The following GPR179 variants were observed in gnomAD, a reference collection of about 807,000 sequenced individuals.
GPR179 encodes the protein probable G protein-coupled receptor 179.
A neutral mutation model predicts 70.8 loss-of-function variants in GPR179; 52 were observed. The observed-to-expected ratio is 0.73, with a 90% CI of 0.59 to 0.93. GPR179 has a LOEUF of 0.93. GPR179 is among the 40% of genes least tolerant of loss of function. The pLI is 0.00. For missense variants in GPR179, 2,734 were observed against 2,966.8 expected (o/e 0.92, Z 1.82); for synonymous variants, 1,123 against 1,169.0 (o/e 0.96, Z 0.80).
chr17:38,330,004 C>A lies in GPR179; in HGVS notation c.3565G>T (p.Glu1189Ter), dbSNP rs531771174. The A allele has an allele frequency of 9.9e-6, 16 of 1,614,230 alleles. No homozygotes were observed. The highest frequency in any genetic ancestry group is 1.3e-5 in the Non-Finnish European group (15 of 1,180,046). ...TTACCTGCTCTCTCAGCTTTCCGTT[C>A]CCCTAGACCCTGGGTCATCCTCCTG... is the stretch of plus-strand genomic sequence containing the variant. ...RGRRMTQGLG[E>*]RKAERAGKTG... The change falls in exon 11 of 11, where the codon GAA (glutamate) becomes TAA (stop). Residue 1189 changes from glutamate (E) to a stop codon, truncating the protein, a stop_gained. Coordinates refer to ENST00000616987, the MANE Select transcript of GPR179 (RefSeq NM_001004334.4). LOFTEE classifies it low-confidence loss of function (END_TRUNC).
chr17:38,334,119 T>A lies in GPR179; in HGVS notation c.1785-81A>T. 1 of 994,148 alleles carries A rather than the reference T, an allele frequency of 1.0e-6. No individual in the cohort carries two copies. Among genetic ancestry groups the A allele is most frequent in the Non-Finnish European group, 1.6e-6 (1 of 619,714 alleles). The allele number at this position is 994,148 out of a possible 1,614,324, so 61.6% of individuals were successfully genotyped here. ...TTTGCCTTCTCACTGGCGTTTCACC[T>A]CAGCCCCAACCCTGATACGCTTAGG... On this transcript the variant is annotated intron_variant, in intron 8 of 10. Coordinates refer to ENST00000616987, the MANE Select transcript of GPR179 (RefSeq NM_001004334.4). This position sits in a 1 kb window ranked among gnomAD's most constrained non-coding sequence, Gnocchi z 4.7.
rs747025957 is a variant in GPR179, at chr17:38,328,999, C to T, written c.4570G>A (p.Ala1524Thr). 2 of 1,614,116 alleles carry T rather than the reference C, an allele frequency of 1.2e-6. No individual in the cohort carries two copies. Among genetic ancestry groups the T allele is most frequent in the Non-Finnish European group, 1.7e-6 (2 of 1,180,044 alleles). The stretch of plus-strand genomic sequence containing the variant: ...TGCTGTTGACTTAATTTCTGCACTG[C>T]TTTCACAGTTTGTTCCCCCATCTCT... ...FGEMGEQTVKAVQKLSQQQES... is the reference protein window; with the variant it reads ...FGEMGEQTVKTVQKLSQQQES... Residue 1524 changes from alanine (A) to threonine (T), a missense_variant, in exon 11 of 11, where the codon GCA (alanine) becomes ACA (threonine). Transcript: ENST00000616987.
In GPR179 at chr17:38,339,368, G is replaced by A. The variant is rs1209741686; in HGVS notation, c.903+49C>T. ...TGCATGGTGGCGGTGATGGGAAAAG[G>A]GGAGGGAGGCAGGACTCTAGTAGCG... On this transcript the variant is annotated intron_variant, in intron 2 of 10. Coordinates refer to ENST00000616987, the MANE Select transcript of GPR179 (RefSeq NM_001004334.4). 4 of 1,197,268 alleles carry A rather than the reference G, an allele frequency of 3.3e-6. No individual in the cohort carries two copies. In the South Asian group the frequency reaches 3.8e-5, roughly 11 times the overall value. 74.2% of individuals were successfully genotyped at this position (1,197,268 alleles called of 1,614,324 possible).
chr17:38,328,026 T>G lies in GPR179; in HGVS notation c.5543A>C (p.Glu1848Ala). The G allele has an allele frequency of 6.2e-7, 1 of 1,614,180 alleles. No homozygotes were observed. The highest frequency in any genetic ancestry group is 1.1e-5 in the South Asian group (1 of 91,088). ...TCCCAGGGAAGTGAGTCTCCCCTTT[T>G]CTAGAGCTTTCTCCCTCTGCTCTGC... ...ESAEQREKAL[E>A]KGRLTSLGED... The change falls in exon 11 of 11, where the codon GAA (glutamate) becomes GCA (alanine). Residue 1848 changes from glutamate to alanine, a missense_variant. By Grantham distance (107) the Glu-to-Ala change is moderately radical (BLOSUM62 -1). Coordinates refer to ENST00000616987, the MANE Select transcript of GPR179 (RefSeq NM_001004334.4).
Position 38,330,017 on chromosome 17 carries a change from G to T in GPR179, c.3552C>A (p.Thr1184=). 1 of 1,614,190 alleles carries T rather than the reference G, an allele frequency of 6.2e-7. No individual in the cohort carries two copies. The highest frequency in any genetic ancestry group is 8.5e-7 in the Non-Finnish European group (1 of 1,180,032). ...CAGCTTTCCGTTCCCCTAGACCCTGGGTCATCCTCCTGCCTCTGTCTTCTT... is the reference window on the plus strand; with the variant it reads ...CAGCTTTCCGTTCCCCTAGACCCTGTGTCATCCTCCTGCCTCTGTCTTCTT... ...REQEDRGRRM[T]QGLGERKAER... Residue 1184 remains threonine, a synonymous_variant, in exon 11 of 11, where the codon ACC becomes ACA. Transcript: ENST00000616987.
rs1597671078 is a variant in GPR179 at position 38,342,850 on chromosome 17, A to C, written c.794+146T>G. On this transcript the variant is annotated intron_variant, in intron 1 of 10. Coordinates refer to ENST00000616987, the MANE Select transcript of GPR179 (RefSeq NM_001004334.4). ...GATTCCCAGAGCCGACTGTAAGTAC[A>C]CACAGCTGAGTACAAATACCCACAT... 3 of 756,416 alleles carry C rather than the reference A, an allele frequency of 4.0e-6. No homozygotes were observed. The East Asian group carries it at 7.4e-5, about 19-fold the overall frequency. 46.9% of individuals were successfully genotyped at this position (756,416 alleles called of 1,614,324 possible). A position where few individuals can be genotyped will look rare whatever the true frequency, so the allele number is the denominator to read the frequency against.
rs1365047118 is a variant in GPR179 at position 38,325,551 on chromosome 17, A to C, written c.*914T>G. 1 of 152,264 alleles carries C rather than the reference A, an allele frequency of 6.6e-6. No homozygotes were observed. Among genetic ancestry groups the C allele is most frequent in the Non-Finnish European group, 1.5e-5 (1 of 68,094 alleles). The allele number at this position is 152,264 out of a possible 1,614,324, so 9.4% of individuals were successfully genotyped here. A position where few individuals can be genotyped will look rare whatever the true frequency, so the allele number is the denominator to read the frequency against. On this transcript the variant is annotated 3_prime_UTR_variant, in exon 11 of 11. Coordinates refer to ENST00000616987, the MANE Select transcript of GPR179 (RefSeq NM_001004334.4). The stretch of plus-strand genomic sequence containing the variant: ...TTGACAAAAGAGAGAGGTCCTGTTG[A>C]TGGCAGCGCTGAAAAGCTAGGGGGA...
Position 38,331,399 on chromosome 17 carries a change from C to T in GPR179, c.2170G>A (p.Ala724Thr). 6.2e-7 allele frequency: 1 copy of T among 1,614,120 alleles called. No homozygotes were observed. The highest frequency in any genetic ancestry group is 8.5e-7 in the Non-Finnish European group (1 of 1,179,992). Residue 724 changes from alanine (A) to threonine (T), a missense_variant, in exon 11 of 11, where the codon GCG (alanine) becomes ACG (threonine). Transcript: ENST00000616987. The part of the protein sequence containing the change: ...GLGRSFMRYL[A>T]EFPEALARQH... ...CTGGCCAGGGCCTCGGGGAATTCCG[C>T]CAGGTACCTCATGAAGGAGCGGCCC...
chr17:38,331,132 G>A lies in GPR179; in HGVS notation c.2437C>T (p.Leu813=), dbSNP rs1158425856. ...TGGGCGCTGGCTGACCTGAAGCCCAGGGCAGGGGGCCCCTCCACCGACTCC... is the reference window on the plus strand; with the variant it reads ...TGGGCGCTGGCTGACCTGAAGCCCAAGGCAGGGGGCCCCTCCACCGACTCC... The part of the protein sequence containing the change: ...SRESVEGPPA[L]GFRSASAHNL... The change falls in exon 11 of 11, where the codon CTG becomes TTG. Residue 813 remains leucine, a synonymous_variant. Coordinates refer to ENST00000616987, the MANE Select transcript of GPR179 (RefSeq NM_001004334.4). 6.2e-7 allele frequency: 1 copy of A among 1,604,722 alleles called. No individual in the cohort carries two copies. The highest frequency in any genetic ancestry group is 1.1e-5 in the South Asian group (1 of 90,856).
Position 38,329,873 on chromosome 17 carries a change from G to A in GPR179, c.3696C>T (p.Ser1232=), listed in dbSNP as rs367783443. ...WQELPKAGLQ[S]LGSADHRVAE... ...CCACCCTGTGGTCAGCGCTGCCCAGGGACTGGAGGCCAGCTTTGGGCAGTT... is the reference window on the plus strand; with the variant it reads ...CCACCCTGTGGTCAGCGCTGCCCAGAGACTGGAGGCCAGCTTTGGGCAGTT... The change falls in exon 11 of 11, where the codon TCC becomes TCT. Residue 1232 remains serine (S), a synonymous_variant. Transcript: ENST00000616987. 6.8e-6 allele frequency: 11 copies of A among 1,614,000 alleles called. No individual in the cohort carries two copies. The highest frequency in any genetic ancestry group is 1.3e-5 in the African/African-American group (1 of 74,926).
At position 38,330,051 on chromosome 17, in the gene GPR179, C is replaced by G. The variant is rs565610587; in HGVS notation, c.3518G>C (p.Ser1173Thr). The G allele has an allele frequency of 1.3e-4, 217 of 1,614,214 alleles. 2 individuals are homozygous for G. The South Asian group carries it at 2.2e-3, about 17-fold the overall frequency. The part of the protein sequence containing the change: ...RMLQVCQREG[S>T]REQEDRGRRM... The stretch of plus-strand genomic sequence containing the variant: ...CCTGCCTCTGTCTTCTTGTTCCCTG[C>G]TGCCCTCCCGTTGACAGACTTGGAG... Residue 1173 changes from serine to threonine, a missense_variant, in exon 11 of 11, where the codon AGC (serine) becomes ACC (threonine). Ser to Thr is a moderately conservative substitution (Grantham distance 58, BLOSUM62 1). Transcript: ENST00000616987.
Position 38,328,076 on chromosome 17 carries a change from C to T in GPR179, c.5493G>A (p.Leu1831=). The T allele has an allele frequency of 6.2e-7, 1 of 1,614,184 alleles. No homozygotes were observed. Among genetic ancestry groups the T allele is most frequent in the Non-Finnish European group, 8.5e-7 (1 of 1,180,034 alleles). ...EVSEGTTGKG[L]DQKAGSESAE... ...CTGATTCACTCCCTGCCTTTTGGTC[C>T]AATCCCTTCCCAGTAGTTCCTTCAC... The change falls in exon 11 of 11, where the codon TTG becomes TTA. Residue 1831 remains leucine (L), a synonymous_variant. Coordinates refer to ENST00000616987, the MANE Select transcript of GPR179 (RefSeq NM_001004334.4).
At chr17:38,341,233 T>G (rs1372228134) in intron 1 of GPR179, among the ~76,000 whole-genome samples, 2 of 152,206 alleles carry the variant, frequency 1.3e-5, no homozygotes, top group Non-Finnish European at 2.9e-5. Context: ...CTCAGCTTTT[T>G]GATATCCTAT....
chr17:38,343,550 A>G lies in GPR179; in HGVS notation c.240T>C (p.Tyr80=), dbSNP rs1478145759. 3.2e-5 allele frequency: 52 copies of G among 1,613,642 alleles called. No homozygotes were observed. The highest frequency in any genetic ancestry group is 4.2e-5 in the Non-Finnish European group (50 of 1,180,004). The change falls in exon 1 of 11, where the codon TAT becomes TAC. Residue 80 remains tyrosine, a synonymous_variant. Transcript: ENST00000616987. The surrounding 1 kb of genome is among the most constrained non-coding windows in gnomAD (Gnocchi z 4.2). ...QLSQVNCSER[Y]EARGAGAMPG... is the part of the protein sequence containing the mutation. The stretch of plus-strand genomic sequence containing the variant: ...GCATGGCTCCTGCCCCACGCGCTTC[A>G]TAGCGCTCACTGCAATTCACCTGTG...
intron 1 of GPR179, among the ~76,000 whole-genome samples, chr17:38,339,791 C>G (rs1417376156): frequency 6.6e-6 from 1 of 152,178 alleles, no homozygotes; most frequent in Admixed American, 6.5e-5. Flanking sequence ...GTCATAGAAA[C>G]TAGAATCCCC....
rs780433394 is a variant in GPR179, at chr17:38,326,729, A to G, written c.6840T>C (p.His2280=). 1.2e-6 allele frequency: 2 copies of G among 1,614,208 alleles called. No homozygotes were observed. The highest frequency in any genetic ancestry group is 1.1e-5 in the South Asian group (1 of 91,080). Residue 2280 remains histidine, a synonymous_variant, in exon 11 of 11, where the codon CAT becomes CAC. Coordinates refer to ENST00000616987, the MANE Select transcript of GPR179 (RefSeq NM_001004334.4). ...APEKPLCLLV[H]GPLDHFFPES... is the part of the protein sequence containing the mutation. ...CTGGAAAGAAGTGATCCAGAGGCCC[A>G]TGGACTAAAAGGCATAGTGGTTTTT... is the stretch of plus-strand genomic sequence containing the variant.
At position 38,339,477 on chromosome 17, in the gene GPR179, CTGAT is replaced by C. The variant is rs1244415676; in HGVS notation, c.839_842del (p.Asn280SerfsTer52). ...AGTACCAGCCTGGGCCACTTGCACACTGATTGATGTCCACACTCTGGAGATCTAC... is the reference window on the plus strand; with the variant it reads ...AGTACCAGCCTGGGCCACTTGCACACTGATGTCCACACTCTGGAGATCTAC... On this transcript the variant is annotated frameshift_variant, in exon 2 of 11. Coordinates refer to ENST00000616987, the MANE Select transcript of GPR179 (RefSeq NM_001004334.4). LOFTEE classifies it high-confidence loss of function. 2.5e-6 allele frequency: 4 copies of C among 1,614,008 alleles called. No homozygotes were observed. Among genetic ancestry groups the C allele is most frequent in the Admixed American group, 3.3e-5 (2 of 59,986 alleles).
chr17:38,336,014 G>T, intron 5 of GPR179, 62 bp downstream of exon 5: 1 of 1,159,010 alleles, frequency 8.6e-7, no homozygotes, highest in Non-Finnish European at 1.3e-6. Flanking sequence ...GGCTTGGAGG[G>T]TGCCAGGTTT....
chr17:38,331,028 C>T lies in GPR179; in HGVS notation c.2541G>A (p.Arg847=). 1 of 1,609,774 alleles carries T rather than the reference C, an allele frequency of 6.2e-7. No individual in the cohort carries two copies. Among genetic ancestry groups the T allele is most frequent in the Non-Finnish European group, 8.5e-7 (1 of 1,179,964 alleles). The change falls in exon 11 of 11, where the codon AGG becomes AGA. Residue 847 remains arginine (R), a synonymous_variant. Transcript: ENST00000616987. ...GGCTGGCCATGAGCAAGGCCTTTTC[C>T]CTGGAGCTGGCCACACTGAGCGACT... ...LQKSLSVASS[R]EKALLMASQA...
Sources: allele counts gnomAD v4.1 joint callset (sites outside exome capture counted in the v4.1 genomes callset), GRCh38; gene constraint gnomAD v4.1.1; non-coding constraint Gnocchi (gnomAD v3.1); transcripts MANE v1.5; gene names NCBI Gene and HGNC (gene_info 2026-07-23, HGNC 2026-07-21).